Variants in EXOC4 observed in about 807,000 individuals in gnomAD.
EXOC4 encodes the protein SEC8-like 1.
A neutral mutation model predicts 107.2 loss-of-function variants in EXOC4; 71 were observed. The ratio of observed to expected loss-of-function variants is 0.66; its 90% CI spans 0.55 to 0.81. The LOEUF (loss-of-function observed/expected upper bound fraction) is 0.81, where lower values mean the gene tolerates loss of function less well. Among genes scored for constraint, EXOC4 ranks in the 30% least tolerant of loss-of-function variants. The pLI, the probability that EXOC4 is intolerant of heterozygous loss-of-function variation, is 0.00. For missense variants in EXOC4, 1,108 were observed against 1,189.6 expected, an observed-to-expected ratio of 0.93 and a Z score of 1.01; for synonymous variants, 456 against 441.2, an observed-to-expected ratio of 1.03 and a Z score of -0.42.
intron 10 of EXOC4, among the ~76,000 whole-genome samples, chr7:133,683,552 C>T (rs1194562055): frequency 2.0e-5 from 3 of 152,076 alleles, no homozygotes; most frequent in South Asian, 2.1e-4. Flanking sequence ...GATAATTATT[C>T]TTTCACTGAA....
At chr7:134,086,945 T>C in the EXOC4 span, among the ~76,000 whole-genome samples, 34 of 152,116 alleles carry the variant, frequency 2.2e-4, no homozygotes, top group Admixed American at 1.5e-3. Context: ...CTGGTGGGAG[T>C]GTAGCAGTGA....
chr7:133,527,729 G>C (rs888078269), intron 9 of EXOC4, among the ~76,000 whole-genome samples: 1 of 152,162 alleles, frequency 6.6e-6, no homozygotes, highest in African/African-American at 2.4e-5. Flanking sequence ...AAAAATGGCT[G>C]TAGTTGAAAG....
intron 10 of EXOC4, among the ~76,000 whole-genome samples, chr7:133,738,449 T>G (rs1453768549): frequency 2.0e-5 from 3 of 152,144 alleles, no homozygotes; most frequent in African/African-American, 7.2e-5. Context: ...GAAGAATTCC[T>G]TTGGAGAAGA....
chr7:133,461,348 T>G (rs1462638509), intron 7 of EXOC4, among the ~76,000 whole-genome samples: 1 of 152,186 alleles, frequency 6.6e-6, no homozygotes, highest in African/African-American at 2.4e-5. Context: ...TGAGAAGGTA[T>G]GTAACACAGT....
At chr7:133,532,458 C>T (rs1229052341) in intron 9 of EXOC4, among the ~76,000 whole-genome samples, 2 of 152,034 alleles carry the variant, frequency 1.3e-5, no homozygotes, top group African/African-American at 2.4e-5. Context: ...GTTGGTGCTT[C>T]GTTTTGTAGG....
At chr7:134,071,762 G>T in the EXOC4 span, among the ~76,000 whole-genome samples, 1,773 of 152,222 alleles carry the variant, frequency 0.012, 44 homozygotes, top group African/African-American at 0.041. Context: ...CAGTTTGCTT[G>T]GGGGTTAGAA....
At chr7:133,267,444 C>T (rs1314767526) in intron 1 of EXOC4, among the ~76,000 whole-genome samples, 3 of 152,204 alleles carry the variant, frequency 2.0e-5, no homozygotes, top group Non-Finnish European at 4.4e-5. Context: ...CTGGAATCAG[C>T]TTCCCAGATA....
At chr7:133,733,082 G>A (rs1661991374) in intron 10 of EXOC4, 2 of 193,224 alleles carry the variant, frequency 1.0e-5, no homozygotes, top group South Asian at 2.1e-4. Flanking sequence ...CTTCAAACAC[G>A]CAAACCCTTG....
At chr7:133,709,384 T>TTATCAGCAGTGGC (rs1202058582) in intron 10 of EXOC4, among the ~76,000 whole-genome samples, 2 of 152,220 alleles carry the variant, frequency 1.3e-5, no homozygotes, top group Non-Finnish European at 2.9e-5. Flanking sequence ...GGCAAACTGA[T>TTATCAGCAGTGGC]TATCAGCAGT....
intron 10 of EXOC4, among the ~76,000 whole-genome samples, chr7:133,698,031 AT>A (rs1273313743): frequency 6.6e-6 from 1 of 152,158 alleles, no homozygotes; most frequent in Non-Finnish European, 1.5e-5. Context: ...TGTTTTATAA[AT>A]GTGTTGTACT....
intron 9 of EXOC4, among the ~76,000 whole-genome samples, chr7:133,537,164 T>C (rs201594790): frequency 6.7e-6 from 1 of 148,964 alleles, no homozygotes; most frequent in Non-Finnish European, 1.5e-5. Context: ...TTTTTTTTTT[T>C]CTTTGAGATG....
At chr7:133,668,545 T>C (rs1308279744) in intron 10 of EXOC4, among the ~76,000 whole-genome samples, 1 of 152,236 alleles carries the variant, frequency 6.6e-6, no homozygotes, top group Admixed American at 6.5e-5. Context: ...TTATCCATAA[T>C]GTATTTCTAG....
intron 10 of EXOC4, among the ~76,000 whole-genome samples, chr7:133,678,279 A>G (rs181917463): frequency 1.3e-5 from 2 of 152,212 alleles, no homozygotes; most frequent in African/African-American, 2.4e-5. Context: ...TAATTGAAAC[A>G]CTCATTTGGA....
chr7:133,795,237 C>T (rs1299321078), intron 10 of EXOC4, among the ~76,000 whole-genome samples: 1 of 152,234 alleles, frequency 6.6e-6, no homozygotes, highest in East Asian at 1.9e-4. Flanking sequence ...ATATAATCCT[C>T]ATTAAAGGGC....
chr7:133,372,935 A>G (rs1321763574), intron 6 of EXOC4, among the ~76,000 whole-genome samples: 1 of 152,232 alleles, frequency 6.6e-6, no homozygotes, highest in East Asian at 1.9e-4. Context: ...AGAGTACAAA[A>G]GATATAATGT....
At chr7:134,092,350 G>C in the EXOC4 span, among the ~76,000 whole-genome samples, 5 of 152,090 alleles carry the variant, frequency 3.3e-5, no homozygotes, top group African/African-American at 7.2e-5. Context: ...ACAGAAACCA[G>C]AAAGTATGGG....
chr7:133,907,829 G>A (rs895890711), intron 12 of EXOC4, among the ~76,000 whole-genome samples: 10 of 151,966 alleles, frequency 6.6e-5, no homozygotes, highest in Admixed American at 6.6e-4. Flanking sequence ...AGGAGGAGGA[G>A]GAAGAGGAGG....
chr7:133,861,517 C>G (rs941163484), intron 11 of EXOC4, among the ~76,000 whole-genome samples: 5 of 151,898 alleles, frequency 3.3e-5, no homozygotes, highest in Admixed American at 6.6e-5. Context: ...GATCAGGAAT[C>G]CACTGTTTTT....
intron 5 of EXOC4, among the ~76,000 whole-genome samples, chr7:133,340,423 C>CTTTTTTTTTTTTTTTTTTTTTTTTTTT (rs200341512): frequency 7.7e-6 from 1 of 129,558 alleles, no homozygotes; most frequent in African/African-American, 2.8e-5. Context: ...TAGTATTTTT[C>CTTTTTTTTTTTTTTTTTTTTTTTTTTT]TTTTTTTTTT....
Sources: allele counts gnomAD v4.1 joint callset (sites outside exome capture counted in the v4.1 genomes callset), GRCh38; gene constraint gnomAD v4.1.1; transcripts MANE v1.5; gene names NCBI Gene and HGNC (gene_info 2026-07-23, HGNC 2026-07-21).